Variants in SEM1 observed in about 807,000 individuals in gnomAD.
The protein encoded by SEM1 is SEM1 26S proteasome subunit.
Under a neutral mutation model 12.7 loss-of-function variants are expected in SEM1, and 3 were observed. The observed-to-expected ratio is 0.24, with a 90% CI of 0.11 to 0.61. The LOEUF (loss-of-function observed/expected upper bound fraction) is 0.61, where lower values mean the gene tolerates loss of function less well. Ranked by LOEUF, SEM1 falls within the 20% of genes least tolerant of loss-of-function variation. SEM1 has a pLI of 0.88. For synonymous variants in SEM1, 30 were observed against 27.8 expected (o/e 1.08, Z -0.25); for missense variants, 59 against 81.3 (o/e 0.73, Z 1.06).
intron 2 of SEM1, among the ~76,000 whole-genome samples, chr7:96,584,040 T>C (rs1003305004): frequency 2.0e-5 from 3 of 152,098 alleles, no homozygotes; most frequent in Non-Finnish European, 2.9e-5. Flanking sequence ...TGCTCGTTAG[T>C]TGATGCAGTT....
At chr7:96,683,408 A>C (rs1295495431) in intron 2 of SEM1, among the ~76,000 whole-genome samples, 1 of 152,004 alleles carries the variant, frequency 6.6e-6, no homozygotes, top group Non-Finnish European at 1.5e-5. Context: ...GGATGTGGAG[A>C]AATAGGAACA....
intron 2 of SEM1, among the ~76,000 whole-genome samples, chr7:96,533,891 G>A (rs543313964): frequency 2.0e-5 from 3 of 151,980 alleles, no homozygotes; most frequent in East Asian, 1.9e-4. Context: ...TCATCACTGT[G>A]TACTCACAGG....
At chr7:96,545,017 GA>G (rs1308096389) in intron 2 of SEM1, among the ~76,000 whole-genome samples, 1 of 151,914 alleles carries the variant, frequency 6.6e-6, no homozygotes, top group Non-Finnish European at 1.5e-5. Flanking sequence ...GCTTATTTAT[GA>G]TCCCTTACTC....
At chr7:96,598,437 C>A (rs1471495164) in intron 2 of SEM1, among the ~76,000 whole-genome samples, 1 of 151,464 alleles carries the variant, frequency 6.6e-6, no homozygotes, top group African/African-American at 2.4e-5. Context: ...AGCTGCCCTA[C>A]ATGGCTTTGT....
intron 2 of SEM1, among the ~76,000 whole-genome samples, chr7:96,585,222 C>T (rs980858911): frequency 3.3e-5 from 5 of 152,204 alleles, no homozygotes; most frequent in Admixed American, 2.0e-4. Flanking sequence ...GTTGGAATAC[C>T]CTGCCGTGTG....
chr7:96,663,121 G>A (rs1395682117), intron 2 of SEM1, among the ~76,000 whole-genome samples: 1 of 148,646 alleles, frequency 6.7e-6, no homozygotes, highest in Non-Finnish European at 1.5e-5. Context: ...ATAATATGAC[G>A]CAGAACTTGC....
At chr7:96,542,587 TG>T (rs1584750035) in intron 2 of SEM1, among the ~76,000 whole-genome samples, 1 of 150,478 alleles carries the variant, frequency 6.6e-6, no homozygotes, top group Non-Finnish European at 1.5e-5. Flanking sequence ...AACATGCAAA[TG>T]GAAAATAAAA....
At chr7:96,513,958 A>C (rs1804009950) in intron 2 of SEM1, among the ~76,000 whole-genome samples, 1 of 151,942 alleles carries the variant, frequency 6.6e-6, no homozygotes, top group Non-Finnish European at 1.5e-5. Flanking sequence ...TATTGTGGAC[A>C]TACTCCCATA....
intron 2 of SEM1, among the ~76,000 whole-genome samples, chr7:96,520,355 T>C (rs1355017143): frequency 6.6e-6 from 1 of 152,170 alleles, no homozygotes; most frequent in East Asian, 1.9e-4. Flanking sequence ...AACACCTGCT[T>C]GATCTAGTTC....
intron 1 of SEM1, among the ~76,000 whole-genome samples, chr7:96,707,979 G>T (rs1790522736): frequency 6.6e-6 from 1 of 152,168 alleles, no homozygotes; most frequent in Non-Finnish European, 1.5e-5. Context: ...GGACATAATG[G>T]CAAGTTTTGT....
At chr7:96,677,081 T>C (rs574960669) in intron 2 of SEM1, among the ~76,000 whole-genome samples, 2 of 152,252 alleles carry the variant, frequency 1.3e-5, no homozygotes, top group East Asian at 1.9e-4. Flanking sequence ...AGGGAATCAC[T>C]AAAAGCAATC....
chr7:96,691,447 G>A (rs1789930987), intron 2 of SEM1, among the ~76,000 whole-genome samples: 1 of 152,208 alleles, frequency 6.6e-6, no homozygotes, highest in Non-Finnish European at 1.5e-5. Context: ...GGCTAAGTGA[G>A]TTGCCCAAGG....
At chr7:96,634,822 G>T (rs1159126192) in intron 2 of SEM1, among the ~76,000 whole-genome samples, 3 of 151,960 alleles carry the variant, frequency 2.0e-5, no homozygotes, top group Admixed American at 2.0e-4. Flanking sequence ...GAATATGTGA[G>T]GTTGACAGGA....
chr7:96,494,684 G>C (rs1294931166), intron 1 of SEM1, among the ~76,000 whole-genome samples: 2 of 152,032 alleles, frequency 1.3e-5, no homozygotes, highest in Non-Finnish European at 2.9e-5. Context: ...AGATAAGTGA[G>C]AGCTACAAAA....
At chr7:96,632,152 C>T (rs1330205866) in intron 2 of SEM1, among the ~76,000 whole-genome samples, 4 of 152,154 alleles carry the variant, frequency 2.6e-5, no homozygotes, top group Admixed American at 6.6e-5. Flanking sequence ...GTGGCAATTC[C>T]TCAAGGATCT....
chr7:96,574,021 G>T (rs1040332982), intron 2 of SEM1, among the ~76,000 whole-genome samples: 16 of 151,806 alleles, frequency 1.1e-4, no homozygotes, highest in African/African-American at 3.6e-4. Flanking sequence ...GTGCCATGTT[G>T]GTGTGCTGCA....
intron 2 of SEM1, among the ~76,000 whole-genome samples, chr7:96,636,329 C>T (rs1808423661): frequency 2.6e-5 from 1 of 38,770 alleles, no homozygotes; most frequent in South Asian, 5.4e-3. Context: ...AAGAAAATAA[C>T]TTGAAAAGGG....
chr7:96,634,641 T>C (rs1368307484), intron 2 of SEM1, among the ~76,000 whole-genome samples: 1 of 150,050 alleles, frequency 6.7e-6, no homozygotes, highest in East Asian at 1.9e-4. Flanking sequence ...ATAATTCATG[T>C]AGGGTGGTAT....
chr7:96,704,841 T>G (rs148246123), intron 1 of SEM1, among the ~76,000 whole-genome samples: 58 of 152,350 alleles, frequency 3.8e-4, no homozygotes, highest in African/African-American at 1.2e-3. Context: ...AATCCTCCTA[T>G]TGAATGTTTA....
Sources: gnomAD v4.1 joint callset for allele counts (sites outside exome capture counted in the v4.1 genomes callset) on GRCh38, gnomAD v4.1.1 for gene constraint, MANE v1.5 for transcripts, NCBI Gene and HGNC (gene_info 2026-07-23, HGNC 2026-07-21) for gene names.